Variants in PUS7 observed in about 807,000 individuals in gnomAD.
PUS7 encodes the protein pseudouridine synthase 7.
A neutral mutation model predicts 79.8 loss-of-function variants in PUS7; 48 were observed. The ratio of observed to expected loss-of-function variants is 0.60; its 90% CI spans 0.48 to 0.76. The LOEUF (loss-of-function observed/expected upper bound fraction) is 0.76, where lower values mean the gene tolerates loss of function less well. Among genes scored for constraint, PUS7 ranks in the 30% least tolerant of loss-of-function variants. PUS7 has a pLI of 0.00. For synonymous variants in PUS7, 286 were observed against 272.2 expected, an observed-to-expected ratio of 1.05 and a Z score of -0.50; for missense variants, 729 against 797.6, an observed-to-expected ratio of 0.91 and a Z score of 1.04.
rs1824958935 is a variant in PUS7, at chr7:105,495,159, T to C, written c.825A>G (p.Val275=). The C allele has an allele frequency of 3.1e-6, 5 of 1,599,794 alleles. No individual in the cohort carries two copies. The highest frequency in any genetic ancestry group is 4.3e-6 in the Non-Finnish European group (5 of 1,168,764). The stretch of plus-strand genomic sequence containing the variant: ...TAACTCACCTTAAGTATTTGGAGAG[T>C]ACATTAATAGCATCCATGGTGTCTT... ...ENKDTMDAIN[V]LSKYLRVKPN... is the part of the protein sequence containing the mutation. The change falls in exon 6 of 16, where the codon GTA becomes GTG. Residue 275 remains valine (V), a synonymous_variant. Transcript: ENST00000469408.
intron 1 of PUS7, among the ~76,000 whole-genome samples, chr7:105,509,372 T>C (rs1388150609): frequency 6.6e-6 from 1 of 152,116 alleles, no homozygotes; most frequent in African/African-American, 2.4e-5. Flanking sequence ...CTTAAAAATA[T>C]GTATGCTCTT....
intron 7 of PUS7, among the ~76,000 whole-genome samples, chr7:105,488,701 C>T (rs568989234): frequency 2.6e-5 from 4 of 152,174 alleles, no homozygotes; most frequent in African/African-American, 9.6e-5. Flanking sequence ...ATAAGGTACA[C>T]CATCTATTGT....
At chr7:105,464,150 G>A (rs955830196) in intron 13 of PUS7, among the ~76,000 whole-genome samples, 3 of 152,290 alleles carry the variant, frequency 2.0e-5, no homozygotes, top group African/African-American at 7.2e-5. Flanking sequence ...TGTTCTAATT[G>A]GTACTGGCAA....
rs1823743706 is a variant in PUS7 at position 105,468,394 on chromosome 7, T to G, written c.1468A>C (p.Lys490Gln). 1 of 1,613,838 alleles carries G rather than the reference T, an allele frequency of 6.2e-7. No homozygotes were observed. The highest frequency in any genetic ancestry group is 1.3e-5 in the African/African-American group (1 of 75,066). ...TTTAGTCCATAGTCTTCTATCCTCTTGCTTACCATGTTATTCCACACATAG... is the reference window on the plus strand; with the variant it reads ...TTTAGTCCATAGTCTTCTATCCTCTGGCTTACCATGTTATTCCACACATAG... ...QSYVWNNMVS[K>Q]RIEDYGLKPV... The change falls in exon 12 of 16, where the codon AAG (lysine) becomes CAG (glutamine). Residue 490 changes from lysine to glutamine, a missense_variant. Lys to Gln is a moderately conservative substitution (Grantham distance 53). Transcript: ENST00000469408.
At chr7:105,470,531 T>C in intron 11 of PUS7, 157 bp downstream of exon 11, 1 of 745,452 alleles carries the variant, frequency 1.3e-6, no homozygotes, top group Middle Eastern at 4.4e-4. Context: ...CCACTCAGGG[T>C]CTGAACAAAG....
chr7:105,462,130 AAAG>A (rs1823455849), intron 14 of PUS7: 2 of 151,948 alleles, frequency 1.3e-5, no homozygotes, highest in Admixed American at 1.3e-4. Flanking sequence ...AAAAGAGAAA[AAAG>A]AAAAGAAAAA....
intron 13 of PUS7, among the ~76,000 whole-genome samples, chr7:105,464,583 G>A (rs1188593823): frequency 6.6e-6 from 1 of 152,128 alleles, no homozygotes; most frequent in African/African-American, 2.4e-5. Context: ...GTCAACTCCA[G>A]GTTCTCTGGC....
At chr7:105,501,884 G>A (rs1825263231) in intron 5 of PUS7, among the ~76,000 whole-genome samples, 1 of 151,412 alleles carries the variant, frequency 6.6e-6, no homozygotes, top group Non-Finnish European at 1.5e-5. Flanking sequence ...GAACCCAGGA[G>A]GCGGAGCTTG....
intron 4 of PUS7, among the ~76,000 whole-genome samples, chr7:105,505,299 G>A (rs900843393): frequency 2.0e-5 from 3 of 152,112 alleles, no homozygotes; most frequent in East Asian, 1.9e-4. Context: ...CACCGTGCCC[G>A]GCGAACAAAA....
intron 1 of PUS7, among the ~76,000 whole-genome samples, chr7:105,516,610 C>A (rs1027118012): frequency 5.9e-5 from 9 of 152,008 alleles, no homozygotes; most frequent in Non-Finnish European, 4.4e-5. Flanking sequence ...CCCGCTACCA[C>A]GCCCAGCTAA....
At chr7:105,461,329 C>T (rs774419635) in intron 14 of PUS7, among the ~76,000 whole-genome samples, 1 of 152,094 alleles carries the variant, frequency 6.6e-6, no homozygotes, top group Non-Finnish European at 1.5e-5. Flanking sequence ...TCAGTGATGC[C>T]AATAAAATGT....
chr7:105,508,469 G>T lies in PUS7; in HGVS notation c.44C>A (p.Ala15Glu). 1 of 1,614,062 alleles carries T rather than the reference G, an allele frequency of 6.2e-7. No individual in the cohort carries two copies. The highest frequency in any genetic ancestry group is 8.5e-7 in the Non-Finnish European group (1 of 1,180,008). The change falls in exon 2 of 16, where the codon GCA (alanine) becomes GAA (glutamate). Residue 15 changes from alanine (A) to glutamate (E), a missense_variant. Physicochemically the swap from Ala to Glu is moderately radical, Grantham distance 107 (BLOSUM62 -1). Coordinates refer to ENST00000469408, the MANE Select transcript of PUS7 (RefSeq NM_019042.5). The part of the protein sequence containing the change: ...EMTGVSLKRG[A>E]LVVEDNDSGV... ...ACTGTCATTATCTTCGACAACCAGT[G>T]CCCCACGTTTCAGCGACACACCAGT...
At chr7:105,483,728 T>G (rs994788658) in intron 7 of PUS7, among the ~76,000 whole-genome samples, 2 of 152,204 alleles carry the variant, frequency 1.3e-5, no homozygotes, top group Non-Finnish European at 2.9e-5. Flanking sequence ...TCTCCTGGCC[T>G]CAAGTGATCC....
chr7:105,467,034 G>GTTTTTTT (rs56177512), intron 12 of PUS7, among the ~76,000 whole-genome samples: 31 of 70,692 alleles, frequency 4.4e-4, no homozygotes, highest in African/African-American at 1.0e-3. Flanking sequence ...AGTTTTTTCT[G>GTTTTTTT]TTTTTTTTTT....
chr7:105,495,898 C>A (rs531525941), intron 5 of PUS7, among the ~76,000 whole-genome samples: 2 of 152,094 alleles, frequency 1.3e-5, no homozygotes, highest in South Asian at 4.2e-4. Context: ...TAATCCCATG[C>A]ACTGTAATCC....
intron 7 of PUS7, among the ~76,000 whole-genome samples, chr7:105,487,907 G>A (rs1176551442): frequency 6.6e-6 from 1 of 152,162 alleles, no homozygotes; most frequent in Non-Finnish European, 1.5e-5. Context: ...TTATCCCCAG[G>A]ACCGATCAAT....
At chr7:105,458,519 G>A (rs1024355575) in intron 15 of PUS7, among the ~76,000 whole-genome samples, 8 of 150,534 alleles carry the variant, frequency 5.3e-5, no homozygotes, top group South Asian at 4.2e-4. Flanking sequence ...CACTTGTCTC[G>A]GTCTCCCAAA....
intron 10 of PUS7, 118 bp downstream of exon 10, chr7:105,472,014 A>G: frequency 1.5e-6 from 1 of 649,460 alleles, no homozygotes; most frequent in Non-Finnish European, 2.7e-6. Flanking sequence ...TTATTGTAAA[A>G]ACAAATAAAA....
intron 1 of PUS7, among the ~76,000 whole-genome samples, chr7:105,512,578 G>A (rs1001921885): frequency 6.6e-6 from 1 of 152,228 alleles, no homozygotes; most frequent in Non-Finnish European, 1.5e-5. Context: ...GCATGGGGGC[G>A]TGGGAGCTCA....
Sources: allele counts gnomAD v4.1 joint callset (sites outside exome capture counted in the v4.1 genomes callset), GRCh38; gene constraint gnomAD v4.1.1; transcripts MANE v1.5; gene names NCBI Gene and HGNC (gene_info 2026-07-23, HGNC 2026-07-21).